The following CRTAM variants were observed in gnomAD, a reference collection of about 807,000 sequenced individuals.
The protein encoded by CRTAM is cytotoxic and regulatory T cell molecule.
Under a neutral mutation model 50.0 loss-of-function variants are expected in CRTAM, and 44 were observed. The ratio of observed to expected loss-of-function variants is 0.88; its 90% CI spans 0.69 to 1.13. CRTAM has a LOEUF of 1.13. Among genes scored for constraint, CRTAM ranks in the 50% most tolerant of loss-of-function variants. The pLI, the probability that CRTAM is intolerant of heterozygous loss-of-function variation, is 0.00. For synonymous variants in CRTAM, 159 were observed against 169.3 expected, an observed-to-expected ratio of 0.94 and a Z score of 0.47; for missense variants, 448 against 457.5, an observed-to-expected ratio of 0.98 and a Z score of 0.19.
At chr11:122,867,596 G>C (rs1862196277) in intron 8 of CRTAM, 41 bp downstream of exon 8, 3 of 1,580,744 alleles carry the variant, frequency 1.9e-6, no homozygotes, top group Non-Finnish European at 2.6e-6. Context: ...TAAGACGCCA[G>C]AACAAATGGC....
intron 4 of CRTAM, 94 bp from the exon 5 acceptor site, chr11:122,855,601 A>G: frequency 9.7e-7 from 1 of 1,034,936 alleles, no homozygotes; most frequent in Non-Finnish European, 1.4e-6. Context: ...TAGAAATCTA[A>G]TGTTTGCCAT....
intron 1 of CRTAM, among the ~76,000 whole-genome samples, chr11:122,849,053 G>A (rs1861898966): frequency 6.6e-6 from 1 of 152,174 alleles, no homozygotes; most frequent in South Asian, 2.1e-4. Flanking sequence ...AGAAAGCTCG[G>A]CTGTGGAATA....
At chr11:122,849,654 G>A (rs1333313595) in intron 1 of CRTAM, among the ~76,000 whole-genome samples, 2 of 152,076 alleles carry the variant, frequency 1.3e-5, no homozygotes, top group East Asian at 1.9e-4. Flanking sequence ...CCCAGGAGGC[G>A]GAGGATGTAG....
In CRTAM at chr11:122,867,609, A is replaced by C; in HGVS notation, c.964+54A>C. ...TATAAGACGCCAGAACAAATGGCTA[A>C]AAAAAAGGGAAATTCTGTCCATTAA... On this transcript the variant is annotated intron_variant, in intron 8 of 9. Coordinates refer to ENST00000227348, the MANE Select transcript of CRTAM (RefSeq NM_019604.4). 1.9e-6 allele frequency: 3 copies of C among 1,553,644 alleles called. 1 individual carries two copies. The South Asian group carries it at 3.5e-5, about 18-fold the overall frequency.
chr11:122,868,705 T>C (rs1230498674), intron 9 of CRTAM, among the ~76,000 whole-genome samples: 1 of 152,152 alleles, frequency 6.6e-6, no homozygotes, highest in Non-Finnish European at 1.5e-5. Flanking sequence ...CGCAATTAAG[T>C]AGTCGCCTTT....
Position 122,851,739 on chromosome 11 carries a change from G to C in CRTAM, c.240G>C (p.Gln80His). ...AGCTTCTTCATCACTCGGCCAATCA[G>C]CTCTCCATCACTGTGCCTAACGTAA... ...KYQLLHHSAN[Q>H]LSITVPNVTL... The change falls in exon 3 of 10, where the codon CAG (glutamine) becomes CAC (histidine). Residue 80 changes from glutamine to histidine, a missense_variant. Transcript: ENST00000227348. 1 of 1,614,112 alleles carries C rather than the reference G, an allele frequency of 6.2e-7. No homozygotes were observed.
At chr11:122,858,560 CCTT>C (rs138165133) in intron 5 of CRTAM, among the ~76,000 whole-genome samples, 2,737 of 152,182 alleles carry the variant, frequency 0.018, 81 homozygotes, top group African/African-American at 0.062. Context: ...GACAAGGTCT[CCTT>C]CTGTAGCCCA....
Position 122,872,452 on chromosome 11 carries a change from TAA to T in CRTAM, c.*1057_*1058del, listed in dbSNP as rs35699933. The T allele has an allele frequency of 2.0e-5, 3 of 152,672 alleles. No homozygotes were observed. The highest frequency in any genetic ancestry group is 7.2e-5 in the African/African-American group (3 of 41,472). The allele number at this position is 152,672 out of a possible 1,614,324, so 9.5% of individuals were successfully genotyped here. On this transcript the variant is annotated 3_prime_UTR_variant, in exon 10 of 10. Coordinates refer to ENST00000227348, the MANE Select transcript of CRTAM (RefSeq NM_019604.4). ...TGGATGGCTTTTTAAAATGTTTTAA[TAA>T]AAAGCAGAATAGATGTTTGTTTTTC...
At chr11:122,868,411 A>G (rs750770551) in intron 9 of CRTAM, among the ~76,000 whole-genome samples, 8 of 152,090 alleles carry the variant, frequency 5.3e-5, no homozygotes, top group Non-Finnish European at 1.2e-4. Context: ...ATCCGAAGCT[A>G]GGGAGTCTCG....
At chr11:122,870,906 C>G (rs533236200) in intron 9 of CRTAM, among the ~76,000 whole-genome samples, 3 of 151,908 alleles carry the variant, frequency 2.0e-5, no homozygotes, top group Non-Finnish European at 4.4e-5. Context: ...TAGTGAAACC[C>G]CGTCTCTACA....
chr11:122,845,228 G>T lies in CRTAM; in HGVS notation c.47-4840G>T, dbSNP rs376579679. Among the ~76,000 whole-genome samples the T allele has an allele frequency of 2.2e-4, 33 of 152,236 alleles. No individual in the cohort carries two copies. The East Asian group carries it at 3.7e-3, about 17-fold the overall frequency. On this transcript the variant is annotated intron_variant, in intron 1 of 9. Coordinates refer to ENST00000227348, the MANE Select transcript of CRTAM (RefSeq NM_019604.4). The stretch of plus-strand genomic sequence containing the variant: ...TAAGGGGCAGAGAGTGATCATATAT[G>T]GCGAAGGAACACCATAGGTTGAATA...
rs1264888354 is a variant in CRTAM at position 122,862,543 on chromosome 11, T to C, written c.732T>C (p.Thr244=). 1.3e-6 allele frequency: 2 copies of C among 1,567,164 alleles called. No individual in the cohort carries two copies. Among genetic ancestry groups the C allele is most frequent in the African/African-American group, 1.4e-5 (1 of 73,612 alleles). Residue 244 remains threonine (T), a splice_region_variant and synonymous_variant, in exon 6 of 10, where the codon ACT becomes ACC. Coordinates refer to ENST00000227348, the MANE Select transcript of CRTAM (RefSeq NM_019604.4). ...AAGACCCACAGCAGCCCACCAGTAC[T>C]GGTAAGTGTCAAAATCATTCAAACT... ...SSQDPQQPTS[T]VSVTEDSSTS...
intron 1 of CRTAM, among the ~76,000 whole-genome samples, chr11:122,846,614 TAAC>T (rs1565287680): frequency 6.6e-6 from 1 of 150,602 alleles, no homozygotes; most frequent in Non-Finnish European, 1.5e-5. Context: ...CACAGAGTTC[TAAC>T]ACCTCTGTCT....
intron 5 of CRTAM, among the ~76,000 whole-genome samples, chr11:122,856,585 A>G (rs1298762585): frequency 6.6e-6 from 1 of 152,240 alleles, no homozygotes; most frequent in Non-Finnish European, 1.5e-5. Context: ...GTGTAATCAA[A>G]TCCTAAAGTA....
chr11:122,855,649 A>G (rs2135241477), intron 4 of CRTAM, 46 bp from the exon 5 acceptor site: 1 of 1,576,394 alleles, frequency 6.3e-7, no homozygotes, highest in Non-Finnish European at 8.7e-7. Flanking sequence ...AACCAACCTC[A>G]TCCAGTAGCA....
chr11:122,848,569 G>A (rs1455997768), intron 1 of CRTAM, among the ~76,000 whole-genome samples: 2 of 152,262 alleles, frequency 1.3e-5, no homozygotes, highest in East Asian at 3.9e-4. Context: ...ATAATTCTGG[G>A]TTATTTCTGC....
intron 7 of CRTAM, among the ~76,000 whole-genome samples, chr11:122,866,606 C>T (rs1591357675): frequency 1.7e-5 from 2 of 118,622 alleles, no homozygotes; most frequent in South Asian, 5.6e-4. Flanking sequence ...GTTTAGAAAG[C>T]CTTTTTTTTT....
intron 5 of CRTAM, among the ~76,000 whole-genome samples, chr11:122,856,082 A>G (rs1318409825): frequency 6.6e-6 from 1 of 152,214 alleles, no homozygotes; most frequent in Non-Finnish European, 1.5e-5. Context: ...AGCCTAGCAC[A>G]GCGCCATATG....
chr11:122,839,521 G>A (rs1042367881), intron 1 of CRTAM, among the ~76,000 whole-genome samples: 1 of 152,136 alleles, frequency 6.6e-6, no homozygotes, highest in African/African-American at 2.4e-5. Context: ...TTCAAATTTG[G>A]ATTTTAGTGC....
Sources: allele counts gnomAD v4.1 joint callset (sites outside exome capture counted in the v4.1 genomes callset), GRCh38; gene constraint gnomAD v4.1.1; transcripts MANE v1.5; gene names NCBI Gene and HGNC (gene_info 2026-07-23, HGNC 2026-07-21).